The following EXOC4 variants were observed in gnomAD, a reference collection of about 807,000 sequenced individuals.
EXOC4 encodes the protein SEC8-like 1.
In EXOC4, 71 loss-of-function variants were observed where a neutral mutation model predicts 107.2. The ratio of observed to expected loss-of-function variants is 0.66; its 90% confidence interval spans 0.55 to 0.81. The LOEUF is 0.81. Ranked by LOEUF, EXOC4 falls within the 30% of genes least tolerant of loss-of-function variation. The pLI, the probability that EXOC4 is intolerant of heterozygous loss-of-function variation, is 0.00. For missense variants in EXOC4, 1,108 were observed against 1,189.6 expected, an observed-to-expected ratio of 0.93 and a Z score of 1.01; for synonymous variants, 456 against 441.2, an observed-to-expected ratio of 1.03 and a Z score of -0.42.
At chr7:133,297,415 G>A (rs1175555517) in intron 3 of EXOC4, among the ~76,000 whole-genome samples, 1 of 152,102 alleles carries the variant, frequency 6.6e-6, no homozygotes, top group African/African-American at 2.4e-5. Flanking sequence ...TAGAGAATAT[G>A]TTTATTAATT....
intron 10 of EXOC4, among the ~76,000 whole-genome samples, chr7:133,723,067 T>C (rs1159518186): frequency 6.6e-6 from 1 of 152,250 alleles, no homozygotes; most frequent in Non-Finnish European, 1.5e-5. Context: ...ATTATTTACC[T>C]GCTTTGGAAT....
intron 2 of EXOC4, among the ~76,000 whole-genome samples, chr7:133,284,802 T>C (rs1169690578): frequency 6.6e-6 from 1 of 152,198 alleles, no homozygotes; most frequent in East Asian, 1.9e-4. Flanking sequence ...CCCGAGGTGC[T>C]GGGATTACAG....
intron 7 of EXOC4, among the ~76,000 whole-genome samples, chr7:133,387,515 A>G (rs1285053274): frequency 6.6e-6 from 1 of 152,186 alleles, no homozygotes; most frequent in Non-Finnish European, 1.5e-5. Context: ...ATGTTGACAA[A>G]TGCATTATTT....
At chr7:134,074,507 C>T in the EXOC4 span, among the ~76,000 whole-genome samples, 1 of 152,222 alleles carries the variant, frequency 6.6e-6, no homozygotes, top group African/African-American at 2.4e-5. Flanking sequence ...GTTGTGGATT[C>T]ATAGAAATGG....
At chr7:133,300,399 T>C (rs1179936469) in intron 3 of EXOC4, among the ~76,000 whole-genome samples, 2 of 152,134 alleles carry the variant, frequency 1.3e-5, no homozygotes, top group East Asian at 3.9e-4. Context: ...TCAGAGGTTG[T>C]TTTTCCCATA....
chr7:133,310,590 C>G (rs995897439), intron 4 of EXOC4, among the ~76,000 whole-genome samples: 17 of 152,216 alleles, frequency 1.1e-4, no homozygotes, highest in Non-Finnish European at 2.2e-4. Context: ...TAATCAGGCT[C>G]TAAAGCCCAG....
chr7:133,333,446 A>G (rs1165606892), intron 5 of EXOC4, among the ~76,000 whole-genome samples: 1 of 150,160 alleles, frequency 6.7e-6, no homozygotes, highest in Non-Finnish European at 1.5e-5. Flanking sequence ...TTTTTTTTTT[A>G]TTGGAGAGTG....
At chr7:133,326,379 G>A (rs192823123) in intron 5 of EXOC4, among the ~76,000 whole-genome samples, 3 of 152,282 alleles carry the variant, frequency 2.0e-5, no homozygotes, top group Non-Finnish European at 4.4e-5. Flanking sequence ...CGTACAGATG[G>A]GGTTTTGGTG....
intron 10 of EXOC4, among the ~76,000 whole-genome samples, chr7:133,701,981 T>TTTTTCCTTTTC (rs1794666754): frequency 7.1e-6 from 1 of 141,596 alleles, no homozygotes; most frequent in South Asian, 2.3e-4. Context: ...TTCTTTTTCC[T>TTTTTCCTTTTC]TTTCTTTCTT....
At chr7:133,501,717 G>T (rs547919289) in intron 9 of EXOC4, among the ~76,000 whole-genome samples, 1 of 152,118 alleles carries the variant, frequency 6.6e-6, no homozygotes, top group Admixed American at 6.6e-5. Flanking sequence ...TCTGATGCAT[G>T]ACCTCTTTGA....
rs181545076 is a variant in EXOC4, at chr7:133,366,326, G to T, written c.1008-8502G>T. On this transcript the variant is annotated intron_variant, in intron 6 of 17. Transcript: ENST00000253861. ...ATGAGATACCTAGGGATCACTTGGG[G>T]CTGGAAGTTAATAGATGATCTGGGA... Among the ~76,000 whole-genome samples the T allele has an allele frequency of 1.3e-3, 202 of 152,272 alleles. 2 individuals carry two copies. In the South Asian group the frequency reaches 0.016, roughly 12 times the overall value.
At chr7:133,589,728 A>G (rs1382006629) in intron 9 of EXOC4, among the ~76,000 whole-genome samples, 1 of 152,144 alleles carries the variant, frequency 6.6e-6, no homozygotes, top group Non-Finnish European at 1.5e-5. Flanking sequence ...CATGAACAAG[A>G]TTGAGTTTTT....
At chr7:133,439,040 A>G (rs1252045278) in intron 7 of EXOC4, among the ~76,000 whole-genome samples, 2 of 152,006 alleles carry the variant, frequency 1.3e-5, no homozygotes, top group Non-Finnish European at 2.9e-5. Context: ...ATGTATATGT[A>G]TGTGTGTGTT....
At position 133,865,458 on chromosome 7, in the gene EXOC4, G is replaced by T. The variant is rs115452077; in HGVS notation, c.1735-30141G>T. On this transcript the variant is annotated intron_variant, in intron 11 of 17. Transcript: ENST00000253861. Reference sequence around the variant, plus strand: ...TTTTCCCATCTCTAGAATTTTTGTGGTTATTTTTATTTATTCCTCCGTAGA... The same window carrying T: ...TTTTCCCATCTCTAGAATTTTTGTGTTTATTTTTATTTATTCCTCCGTAGA... 2.4e-3 allele frequency among the ~76,000 whole-genome samples: 366 copies of T among 152,206 alleles called. 5 individuals carry two copies. Among genetic ancestry groups the T allele is most frequent in the African/African-American group, 8.2e-3 (342 of 41,516 alleles).
intron 9 of EXOC4, among the ~76,000 whole-genome samples, chr7:133,494,823 C>A (rs1347051116): frequency 6.6e-6 from 1 of 152,092 alleles, no homozygotes; most frequent in Non-Finnish European, 1.5e-5. Context: ...AAGTATAATG[C>A]CCAAGAGGAA....
chr7:133,816,951 T>G (rs1171557797), intron 10 of EXOC4, among the ~76,000 whole-genome samples: 2 of 152,172 alleles, frequency 1.3e-5, no homozygotes, highest in African/African-American at 4.8e-5. Flanking sequence ...GGACCCCTGA[T>G]GTAAAGGTTT....
intron 1 of EXOC4, among the ~76,000 whole-genome samples, chr7:133,256,274 C>T (rs184931502): frequency 3.1e-4 from 47 of 152,312 alleles, no homozygotes; most frequent in Non-Finnish European, 5.3e-4. Context: ...AGCCACCGCG[C>T]CTGGTCTGCA....
At chr7:133,318,468 G>A (rs1015039817) in intron 5 of EXOC4, among the ~76,000 whole-genome samples, 4 of 152,136 alleles carry the variant, frequency 2.6e-5, no homozygotes, top group Non-Finnish European at 5.9e-5. Context: ...GGGATGCCTC[G>A]CAGGTGCCTT....
chr7:133,496,341 CT>C (rs1417157179), intron 9 of EXOC4, among the ~76,000 whole-genome samples: 2 of 151,996 alleles, frequency 1.3e-5, no homozygotes, highest in African/African-American at 4.8e-5. Context: ...CCAATTTTAG[CT>C]TTTTTATTGA....
Sources: allele counts gnomAD v4.1 joint callset (sites outside exome capture counted in the v4.1 genomes callset), GRCh38; gene constraint gnomAD v4.1.1; transcripts MANE v1.5; gene names NCBI Gene and HGNC (gene_info 2026-07-23, HGNC 2026-07-21).